Variants in HS6ST3 observed in about 807,000 individuals in gnomAD.
HS6ST3 encodes the protein heparan sulfate 6-O-sulfotransferase 3.
Under a neutral mutation model 36.7 loss-of-function variants are expected in HS6ST3, and 12 were observed. That is an observed-to-expected ratio of 0.33 (90% confidence interval 0.21 to 0.53). The LOEUF (loss-of-function observed/expected upper bound fraction) is 0.53. Among genes scored for constraint, HS6ST3 ranks in the 20% least tolerant of loss-of-function variants. The pLI, the probability that HS6ST3 is intolerant of heterozygous loss-of-function variation, is 0.95. For missense variants in HS6ST3, 584 were observed against 640.9 expected (o/e 0.91, Z 0.96); for synonymous variants, 240 against 257.5 (o/e 0.93, Z 0.65).
At chr13:96,628,823 G>A (rs1054977966) in intron 1 of HS6ST3, among the ~76,000 whole-genome samples, 2 of 151,886 alleles carry the variant, frequency 1.3e-5, no homozygotes, top group African/African-American at 2.4e-5. Context: ...GAATGTGTGT[G>A]TGCATGTGTG....
intron 1 of HS6ST3, among the ~76,000 whole-genome samples, chr13:96,122,768 A>G (rs2053932350): frequency 6.6e-6 from 1 of 152,134 alleles, no homozygotes; most frequent in African/African-American, 2.4e-5. Flanking sequence ...TGTGGTTATG[A>G]GGATGAGAAT....
chr13:96,769,353 G>A lies in HS6ST3; in HGVS notation c.708-63137G>A, dbSNP rs1051672370. On this transcript the variant is annotated intron_variant, in intron 1 of 1. Transcript: ENST00000376705. ...GGTACATGTGCACATTGTGCAGGTT[G>A]GTTACATATGTATACATGTGCCATG... is the stretch of plus-strand genomic sequence containing the variant. Among the ~76,000 whole-genome samples the A allele has an allele frequency of 6.5e-4, 98 of 151,648 alleles. 2 individuals carry two copies. The highest frequency in any genetic ancestry group is 2.2e-3 in the African/African-American group (93 of 41,356).
At chr13:96,541,997 TCTTA>T (rs1424260906) in intron 1 of HS6ST3, among the ~76,000 whole-genome samples, 8 of 152,214 alleles carry the variant, frequency 5.3e-5, no homozygotes, top group Admixed American at 2.6e-4. Context: ...TTGCTTTCTT[TCTTA>T]CTATTATTGG....
At chr13:96,486,111 G>A (rs1024028919) in intron 1 of HS6ST3, among the ~76,000 whole-genome samples, 17 of 148,974 alleles carry the variant, frequency 1.1e-4, no homozygotes, top group Admixed American at 4.8e-4. Flanking sequence ...GAGAACATGC[G>A]GTGTTTGGTT....
intron 1 of HS6ST3, among the ~76,000 whole-genome samples, chr13:96,716,694 A>G (rs1875704583): frequency 1.3e-5 from 2 of 152,174 alleles, no homozygotes; most frequent in African/African-American, 2.4e-5. Flanking sequence ...CCATCCATCT[A>G]TATAATCTAG....
intron 1 of HS6ST3, among the ~76,000 whole-genome samples, chr13:96,305,640 T>C (rs912375707): frequency 6.6e-6 from 1 of 152,184 alleles, no homozygotes; most frequent in Non-Finnish European, 1.5e-5. Flanking sequence ...CTGGGTCTTA[T>C]GTAAATCATT....
At chr13:96,231,730 A>T (rs1205600996) in intron 1 of HS6ST3, among the ~76,000 whole-genome samples, 1 of 152,160 alleles carries the variant, frequency 6.6e-6, no homozygotes, top group African/African-American at 2.4e-5. Context: ...AGTAGCAAGA[A>T]AGTAGGACGT....
Position 96,090,810 on chromosome 13 carries a change from C to A in HS6ST3, c.-53C>A, listed in dbSNP as rs1221166999. ...CGAAACTTCCGAGCGGGCGCCCGTCCGCCCTGCCGCCGCCGCCGCCGCCGC... is the reference window on the plus strand; with the variant it reads ...CGAAACTTCCGAGCGGGCGCCCGTCAGCCCTGCCGCCGCCGCCGCCGCCGC... On this transcript the variant is annotated 5_prime_UTR_variant, in exon 1 of 2. Coordinates refer to ENST00000376705, the MANE Select transcript of HS6ST3 (RefSeq NM_153456.4). 1.7e-5 allele frequency: 24 copies of A among 1,423,010 alleles called. 1 individual carries two copies. The highest frequency in any genetic ancestry group is 1.9e-5 in the Non-Finnish European group (21 of 1,082,206). The allele number at this position is 1,423,010 out of a possible 1,614,324, so 88.1% of individuals were successfully genotyped here. A position where few individuals can be genotyped will look rare whatever the true frequency, so the allele number is the denominator to read the frequency against.
At chr13:96,594,775 A>G (rs2056395564) in intron 1 of HS6ST3, among the ~76,000 whole-genome samples, 1 of 152,210 alleles carries the variant, frequency 6.6e-6, no homozygotes, top group Non-Finnish European at 1.5e-5. Flanking sequence ...CCATTATAAT[A>G]TTAGAGTATT....
intron 1 of HS6ST3, among the ~76,000 whole-genome samples, chr13:96,220,588 A>G (rs916954026): frequency 6.6e-6 from 1 of 152,146 alleles, no homozygotes. Context: ...TCATGTGGAC[A>G]CTGTCTTTAA....
chr13:96,599,206 T>A (rs1028598071), intron 1 of HS6ST3, among the ~76,000 whole-genome samples: 1 of 152,050 alleles, frequency 6.6e-6, no homozygotes, highest in Admixed American at 6.6e-5. Flanking sequence ...ATAGTTTTAG[T>A]ATGAATTGTA....
chr13:96,350,115 A>C (rs570024425), intron 1 of HS6ST3, among the ~76,000 whole-genome samples: 1 of 152,200 alleles, frequency 6.6e-6, no homozygotes, highest in Admixed American at 6.5e-5. Context: ...CCTTGCCCAG[A>C]TTGCATAGTC....
At chr13:96,324,172 G>A (rs1008582181) in intron 1 of HS6ST3, among the ~76,000 whole-genome samples, 7 of 152,176 alleles carry the variant, frequency 4.6e-5, no homozygotes, top group African/African-American at 1.7e-4. Flanking sequence ...CAGGCTTCCA[G>A]AAGTTACAGA....
chr13:96,351,334 T>TA lies in HS6ST3; in HGVS notation c.707+259765_707+259766insA, dbSNP rs1460218792. ...AAGGTGGCAGTCTTTTTTTTTTTTTTTAAAAAAAACAAGGTCTTGCTGGGT... is the reference window on the plus strand; with the variant it reads ...AAGGTGGCAGTCTTTTTTTTTTTTTTATAAAAAAAACAAGGTCTTGCTGGGT... On this transcript the variant is annotated intron_variant, in intron 1 of 1. Transcript: ENST00000376705. Among the ~76,000 whole-genome samples, 187 of 41,772 alleles carry TA rather than the reference T, an allele frequency of 4.5e-3. 1 individual carries two copies. Among genetic ancestry groups the TA allele is most frequent in the Non-Finnish European group, 6.6e-3 (149 of 22,636 alleles). The allele number at this position is 41,772 out of a possible 152,430, so 27.4% of individuals were successfully genotyped here.
intron 1 of HS6ST3, among the ~76,000 whole-genome samples, chr13:96,424,946 A>T (rs115032246): frequency 1.3e-3 from 192 of 152,264 alleles, no homozygotes; most frequent in African/African-American, 4.2e-3. Flanking sequence ...ACAAAATGGG[A>T]TGTGTAATTC....
intron 1 of HS6ST3, among the ~76,000 whole-genome samples, chr13:96,290,442 C>G (rs1211887762): frequency 6.6e-6 from 1 of 152,134 alleles, no homozygotes; most frequent in African/African-American, 2.4e-5. Context: ...GACACCCTGA[C>G]AAGGTGAGTG....
At chr13:96,695,984 A>G (rs1209577262) in intron 1 of HS6ST3, among the ~76,000 whole-genome samples, 4 of 152,210 alleles carry the variant, frequency 2.6e-5, no homozygotes, top group Non-Finnish European at 4.4e-5. Context: ...GTATAAATCC[A>G]TAAGCAGTAA....
At chr13:96,697,816 A>G (rs887214471) in intron 1 of HS6ST3, among the ~76,000 whole-genome samples, 5 of 152,200 alleles carry the variant, frequency 3.3e-5, no homozygotes, top group Non-Finnish European at 5.9e-5. Context: ...ATCCAGCTCA[A>G]TTAGGCCTTC....
chr13:96,697,771 A>C (rs1421567773), intron 1 of HS6ST3, among the ~76,000 whole-genome samples: 2 of 152,188 alleles, frequency 1.3e-5, no homozygotes, highest in Admixed American at 6.5e-5. Context: ...GCCAAAGTTA[A>C]GTTATAAGTT....
Sources: allele counts gnomAD v4.1 joint callset (sites outside exome capture counted in the v4.1 genomes callset), GRCh38; gene constraint gnomAD v4.1.1; transcripts MANE v1.5; gene names NCBI Gene and HGNC (gene_info 2026-07-23, HGNC 2026-07-21).